CFAP46: variants seen among roughly 807,000 people sequenced by gnomAD.
The protein encoded by CFAP46 is cilia and flagella associated protein 46.
In CFAP46, 245 loss-of-function variants were observed where a neutral mutation model predicts 325.7. The ratio of observed to expected loss-of-function variants is 0.75; its 90% CI spans 0.68 to 0.84. The LOEUF (loss-of-function observed/expected upper bound fraction) is 0.84. Among genes scored for constraint, CFAP46 ranks in the 40% least tolerant of loss-of-function variants. CFAP46 has a pLI of 0.00. For missense variants in CFAP46, 3,346 were observed against 3,543.0 expected (o/e 0.94, Z 1.41); for synonymous variants, 1,523 against 1,495.9 (o/e 1.02, Z -0.42).
chr10:132,845,685 C>T (rs1464946344), intron 44 of CFAP46, among the ~76,000 whole-genome samples: 1 of 152,250 alleles, frequency 6.6e-6, no homozygotes, highest in Non-Finnish European at 1.5e-5. Context: ...TAGACCTGAC[C>T]AAGGTGTAAA....
At chr10:132,906,174 C>A (rs1482077887) in intron 22 of CFAP46, among the ~76,000 whole-genome samples, 2 of 152,272 alleles carry the variant, frequency 1.3e-5, no homozygotes, top group Admixed American at 1.3e-4. Flanking sequence ...CTCCCTCTAG[C>A]CCCCCTTGTG....
rs1269841533 is a variant in CFAP46, at chr10:132,851,138, A to G, written c.5742T>C (p.Ser1914=). The part of the protein sequence containing the change: ...KLLADYLQNT[S]DYTSVGLQWF... ...TTACCAGGCCGACGGAAGTGTAGTC[A>G]CTGGTGTTCTGCAGATAGTCCGCCA... The change falls in exon 40 of 58, where the codon AGT becomes AGC. Residue 1914 remains serine, a synonymous_variant. Coordinates refer to ENST00000368586, the MANE Select transcript of CFAP46 (RefSeq NM_001200049.3). 5 of 1,613,884 alleles carry G rather than the reference A, an allele frequency of 3.1e-6. No homozygotes were observed. In the South Asian group the frequency reaches 5.5e-5, roughly 18 times the overall value.
At chr10:132,822,979 G>C (rs577105272) in intron 50 of CFAP46, among the ~76,000 whole-genome samples, 166 of 132,584 alleles carry the variant, frequency 1.3e-3, no homozygotes, top group African/African-American at 4.9e-3. Context: ...TGTGTGTGCA[G>C]TGATGTGTGC....
intron 24 of CFAP46, among the ~76,000 whole-genome samples, chr10:132,896,739 C>G (rs1333851967): frequency 2.0e-5 from 3 of 152,150 alleles, no homozygotes; most frequent in African/African-American, 4.8e-5. Context: ...AAATGATCCT[C>G]ACATTCATAT....
At chr10:132,926,888 G>C (rs1393504940) in intron 9 of CFAP46, among the ~76,000 whole-genome samples, 2 of 152,220 alleles carry the variant, frequency 1.3e-5, no homozygotes, top group African/African-American at 4.8e-5. Context: ...CCACCTGAGA[G>C]CGGCACGGGA....
chr10:132,816,935 C>G (rs960555485), intron 50 of CFAP46, among the ~76,000 whole-genome samples: 1 of 152,166 alleles, frequency 6.6e-6, no homozygotes, highest in South Asian at 2.1e-4. Context: ...GTGGGATTTG[C>G]TTCTCAATTT....
chr10:132,934,775 G>A lies in CFAP46; in HGVS notation c.843C>T (p.Arg281=). 6.2e-7 allele frequency: 1 copy of A among 1,607,662 alleles called. No homozygotes were observed. Among genetic ancestry groups the A allele is most frequent in the Non-Finnish European group, 8.5e-7 (1 of 1,174,436 alleles). The part of the protein sequence containing the change: ...YRHLGHYNHQ[R]FPSISEEKML... ...ACTTTTCTTCACTGATAGAGGGAAA[G>A]CGCTGGTGGTTGTAATGACCTAAGT... is the stretch of plus-strand genomic sequence containing the variant. The change falls in exon 8 of 58, where the codon CGC becomes CGT. Residue 281 remains arginine, a synonymous_variant. Transcript: ENST00000368586.
chr10:132,878,937 T>G (rs1591067916), intron 29 of CFAP46, among the ~76,000 whole-genome samples: 2 of 149,372 alleles, frequency 1.3e-5, no homozygotes, highest in Non-Finnish European at 3.0e-5. Flanking sequence ...CAGGGAGAGG[T>G]GGTAGGAGGA....
chr10:132,843,043 C>G (rs1848369295), intron 44 of CFAP46, among the ~76,000 whole-genome samples: 1 of 152,238 alleles, frequency 6.6e-6, no homozygotes, highest in Non-Finnish European at 1.5e-5. Flanking sequence ...CACCCTTGCT[C>G]TGTCTTTTCC....
chr10:132,863,397 C>T (rs532866463), intron 35 of CFAP46, among the ~76,000 whole-genome samples: 13 of 152,294 alleles, frequency 8.5e-5, no homozygotes, highest in African/African-American at 2.6e-4. Flanking sequence ...AAGAATGCTG[C>T]ACCCATGTAT....
chr10:132,814,182 G>T lies in CFAP46; in HGVS notation c.7358C>A (p.Ala2453Glu), dbSNP rs768215654. 1 of 1,613,764 alleles carries T rather than the reference G, an allele frequency of 6.2e-7. No homozygotes were observed. Among genetic ancestry groups the T allele is most frequent in the Non-Finnish European group, 8.5e-7 (1 of 1,179,984 alleles). ...RFQDTFTSRW[A>E]GHLGSKHFPS... ...AAAGTGCTTGCTTCCCAGATGTCCC[G>T]CCCATCGCGACGTGAATGTGTCTTG... is the stretch of plus-strand genomic sequence containing the variant. The change falls in exon 54 of 58, where the codon GCG (alanine) becomes GAG (glutamate). Residue 2453 changes from alanine to glutamate, a missense_variant. Transcript: ENST00000368586.
intron 8 of CFAP46, among the ~76,000 whole-genome samples, chr10:132,932,708 A>G (rs1036456794): frequency 6.7e-6 from 1 of 149,822 alleles, no homozygotes; most frequent in Non-Finnish European, 1.5e-5. Flanking sequence ...GCAGTCACCA[A>G]TCAGGGTCTT....
chr10:132,942,530 G>A lies in CFAP46; in HGVS notation c.-46C>T. On this transcript the variant is annotated 5_prime_UTR_variant, in exon 1 of 58. It adds an upstream start codon to the 5' untranslated region. Coordinates refer to ENST00000368586, the MANE Select transcript of CFAP46 (RefSeq NM_001200049.3). The stretch of plus-strand genomic sequence containing the variant: ...CCGCTCTCTCCGGGGTCCGCGGTGC[G>A]TCCTGCCGCCCACTGTCGGTTGGGT... 1.6e-6 allele frequency: 2 copies of A among 1,249,338 alleles called. No individual in the cohort carries two copies. The highest frequency in any genetic ancestry group is 1.6e-5 in the African/African-American group (1 of 64,436). 77.4% of individuals were successfully genotyped at this position (1,249,338 alleles called of 1,614,324 possible).
At chr10:132,862,398 G>A (rs564926366) in intron 35 of CFAP46, among the ~76,000 whole-genome samples, 8 of 150,776 alleles carry the variant, frequency 5.3e-5, no homozygotes, top group Admixed American at 6.6e-5. Context: ...GAGCTTGGCC[G>A]GGGGTGAGGA....
intron 22 of CFAP46, among the ~76,000 whole-genome samples, chr10:132,907,402 G>A (rs922071341): frequency 1.3e-5 from 2 of 152,218 alleles, no homozygotes; most frequent in East Asian, 1.9e-4. Context: ...AGTGAGATCC[G>A]TGAAAATTAA....
chr10:132,880,504 C>T (rs538437150), intron 28 of CFAP46, among the ~76,000 whole-genome samples: 2 of 152,316 alleles, frequency 1.3e-5, no homozygotes, highest in East Asian at 3.9e-4. Context: ...ACCCCCGCTC[C>T]CCCGGCCTCC....
At position 132,814,202 on chromosome 10, in the gene CFAP46, G is replaced by A. The variant is rs754810168; in HGVS notation, c.7338C>T (p.Asp2446=). The A allele has an allele frequency of 6.2e-7, 1 of 1,613,984 alleles. No homozygotes were observed. Among genetic ancestry groups the A allele is most frequent in the Non-Finnish European group, 8.5e-7 (1 of 1,179,990 alleles). ...GTCCCGCCCATCGCGACGTGAATGT[G>A]TCTTGGAATCTTTCCAAAATGTCTT... The part of the protein sequence containing the change: ...ITQDILERFQ[D]TFTSRWAGHL... The change falls in exon 54 of 58, where the codon GAC becomes GAT. Residue 2446 remains aspartate, a synonymous_variant. Coordinates refer to ENST00000368586, the MANE Select transcript of CFAP46 (RefSeq NM_001200049.3).
intron 39 of CFAP46, among the ~76,000 whole-genome samples, chr10:132,856,043 C>G (rs750693686): frequency 6.6e-6 from 1 of 152,234 alleles, no homozygotes; most frequent in Non-Finnish European, 1.5e-5. Flanking sequence ...CTTCAGCTCT[C>G]GAGTGTTTGG....
chr10:132,808,612 G>C lies in CFAP46; in HGVS notation c.7957C>G (p.Pro2653Ala). ...GCGGCTGCCTTGCGGGAAGTCGCTG[G>C]GGGAGGGTCCCTGGCTGAGGCTGCA... ...LGAASARDPPPATSRKAAAWT... is the reference protein window; with the variant it reads ...LGAASARDPPAATSRKAAAWT... The change falls in exon 58 of 58, where the codon CCA (proline) becomes GCA (alanine). Residue 2653 changes from proline (P) to alanine (A), a missense_variant. Physicochemically the swap from Pro to Ala is conservative, Grantham distance 27 (BLOSUM62 -1). Coordinates refer to ENST00000368586, the MANE Select transcript of CFAP46 (RefSeq NM_001200049.3). The surrounding 1 kb of genome is among the most constrained non-coding windows in gnomAD (Gnocchi z 6.8). 2 of 1,611,898 alleles carry C rather than the reference G, an allele frequency of 1.2e-6. No homozygotes were observed. Among genetic ancestry groups the C allele is most frequent in the Non-Finnish European group, 1.7e-6 (2 of 1,179,422 alleles).
Sources: allele counts gnomAD v4.1 joint callset (sites outside exome capture counted in the v4.1 genomes callset), GRCh38; gene constraint gnomAD v4.1.1; non-coding constraint Gnocchi (gnomAD v3.1); transcripts MANE v1.5; gene names NCBI Gene and HGNC (gene_info 2026-07-23, HGNC 2026-07-21).